The following SWAP70 variants were observed in gnomAD, a reference collection of about 807,000 sequenced individuals.
The protein encoded by SWAP70 is switching B cell complex subunit SWAP70, also known as switch-associated protein 70.
A neutral mutation model predicts 80.2 loss-of-function variants in SWAP70; 34 were observed. The ratio of observed to expected loss-of-function variants is 0.42; its 90% CI spans 0.32 to 0.56. The LOEUF is 0.56. Ranked by LOEUF, SWAP70 falls within the 20% of genes least tolerant of loss-of-function variation. SWAP70 has a pLI of 0.09. For missense variants in SWAP70, 578 were observed against 690.7 expected, an observed-to-expected ratio of 0.84 and a Z score of 1.83; for synonymous variants, 239 against 238.5, an observed-to-expected ratio of 1.00 and a Z score of -0.02.
At chr11:9,672,193 G>GTATATATATATATATATATA (rs1427255406) in intron 1 of SWAP70, among the ~76,000 whole-genome samples, 2 of 18,894 alleles carry the variant, frequency 1.1e-4, no homozygotes, top group Non-Finnish European at 2.4e-4. Flanking sequence ...ATATGTGTGT[G>GTATATATATATATATATATA]TCTATATATA....
chr11:9,700,188 G>A (rs1176289400), intron 2 of SWAP70, among the ~76,000 whole-genome samples: 2 of 152,108 alleles, frequency 1.3e-5, no homozygotes, highest in Admixed American at 6.5e-5. Flanking sequence ...AGGAAATATA[G>A]TAGTGTTTTA....
chr11:9,745,328 T>C (rs1343801843), intron 9 of SWAP70, among the ~76,000 whole-genome samples: 1 of 152,202 alleles, frequency 6.6e-6, no homozygotes, highest in Non-Finnish European at 1.5e-5. Context: ...ACTCCGAGTG[T>C]GTTGCTTTCT....
intron 3 of SWAP70, among the ~76,000 whole-genome samples, chr11:9,716,471 C>G (rs1311424745): frequency 6.6e-6 from 1 of 152,138 alleles, no homozygotes; most frequent in Non-Finnish European, 1.5e-5. Context: ...CCACCTCTAC[C>G]ACTTATTAGC....
At chr11:9,690,512 C>T (rs1311933245) in intron 1 of SWAP70, among the ~76,000 whole-genome samples, 2 of 151,904 alleles carry the variant, frequency 1.3e-5, no homozygotes, top group Non-Finnish European at 2.9e-5. Flanking sequence ...AGGAGGCAGA[C>T]GTTGCTGAGA....
intron 3 of SWAP70, among the ~76,000 whole-genome samples, chr11:9,720,936 C>T (rs1851126490): frequency 6.6e-6 from 1 of 152,168 alleles, no homozygotes; most frequent in African/African-American, 2.4e-5. Flanking sequence ...CTACCTCAGC[C>T]TCCCGAGTAG....
chr11:9,697,627 G>T (rs1246975181), intron 2 of SWAP70, among the ~76,000 whole-genome samples: 1 of 152,142 alleles, frequency 6.6e-6, no homozygotes, highest in Non-Finnish European at 1.5e-5. Context: ...CAAGAATTTT[G>T]CAGCAAAGAT....
At chr11:9,691,357 T>C (rs961883119) in intron 1 of SWAP70, among the ~76,000 whole-genome samples, 1 of 152,234 alleles carries the variant, frequency 6.6e-6, no homozygotes, top group African/African-American at 2.4e-5. Flanking sequence ...CAAGTCCAAC[T>C]CTCATTTGAC....
intron 7 of SWAP70, among the ~76,000 whole-genome samples, chr11:9,736,537 T>C (rs1000840154): frequency 6.6e-6 from 1 of 152,076 alleles, no homozygotes; most frequent in South Asian, 2.1e-4. Flanking sequence ...TTTATTTGTT[T>C]AGTGACTTGG....
chr11:9,727,088 C>G, intron 4 of SWAP70: 2 of 393,514 alleles, frequency 5.1e-6, no homozygotes, highest in South Asian at 3.7e-5. Context: ...TGAGGTTTTA[C>G]TTATTTTATT....
chr11:9,686,097 A>T lies in SWAP70; in HGVS notation c.100-8049A>T, dbSNP rs1038178852. Reference sequence around the variant, plus strand: ...AGATAAAAGCTTCATTTTCTGATTGAAAGGTAATACATAGAATACTCAAAC... The same window carrying T: ...AGATAAAAGCTTCATTTTCTGATTGTAAGGTAATACATAGAATACTCAAAC... On this transcript the variant is annotated intron_variant, in intron 1 of 11. Coordinates refer to ENST00000318950, the MANE Select transcript of SWAP70 (RefSeq NM_015055.4). Among the ~76,000 whole-genome samples the T allele has an allele frequency of 3.3e-5, 5 of 152,006 alleles. No individual in the cohort carries two copies. The East Asian group carries it at 9.6e-4, about 29-fold the overall frequency.
intron 5 of SWAP70, 48 bp from the exon 6 acceptor site, chr11:9,729,295 A>G (rs1355793741): frequency 3.5e-6 from 4 of 1,144,648 alleles, no homozygotes; most frequent in Non-Finnish European, 3.9e-6. Context: ...ATTGAATTTC[A>G]TTTAAATACT....
Position 9,724,768 on chromosome 11 carries a change from A to G in SWAP70, c.525A>G (p.Ala175=), listed in dbSNP as rs1851185117. The change falls in exon 4 of 12, where the codon GCA becomes GCG. Residue 175 remains alanine (A), a synonymous_variant. Coordinates refer to ENST00000318950, the MANE Select transcript of SWAP70 (RefSeq NM_015055.4). ...ATGACAGTAAAAATGGCCTTTCTGCATGGGAACTTATTGAGCTTATTGGAA... is the reference window on the plus strand; with the variant it reads ...ATGACAGTAAAAATGGCCTTTCTGCGTGGGAACTTATTGAGCTTATTGGAA... ...NFDDSKNGLS[A]WELIELIGNG... The G allele has an allele frequency of 1.2e-6, 2 of 1,614,180 alleles. No individual in the cohort carries two copies. The highest frequency in any genetic ancestry group is 1.1e-5 in the South Asian group (1 of 91,086).
Position 9,749,010 on chromosome 11 carries a change from G to C in SWAP70, c.1555-77G>C, listed in dbSNP as rs956350187. On this transcript the variant is annotated intron_variant, in intron 10 of 11. Transcript: ENST00000318950. Reference sequence around the variant, plus strand: ...TAATGAGATAATTCACAAATACATAGTAAGGGCCCAATAGTTGTGATTTGG... The same window carrying C: ...TAATGAGATAATTCACAAATACATACTAAGGGCCCAATAGTTGTGATTTGG... The C allele has an allele frequency of 4.6e-5, 37 of 812,730 alleles. No individual in the cohort carries two copies. In the African/African-American group the frequency reaches 5.7e-4, roughly 13 times the overall value. 50.3% of individuals were successfully genotyped at this position (812,730 alleles called of 1,614,324 possible).
chr11:9,673,485 C>G (rs1049961658), intron 1 of SWAP70, among the ~76,000 whole-genome samples: 9 of 152,138 alleles, frequency 5.9e-5, no homozygotes, highest in African/African-American at 2.2e-4. Context: ...AAACCCTGTC[C>G]TCTTCCGTCT....
chr11:9,726,964 G>A (rs183896877), intron 4 of SWAP70: 4 of 456,250 alleles, frequency 8.8e-6, no homozygotes, highest in African/African-American at 2.0e-5. Context: ...AGGTAGGTTG[G>A]TACCAGAGGT....
intron 6 of SWAP70, 150 bp from the exon 7 acceptor site, chr11:9,732,379 T>G: frequency 1.3e-6 from 1 of 778,646 alleles, no homozygotes; most frequent in Non-Finnish European, 2.1e-6. Flanking sequence ...CTGCTCAGGG[T>G]CACACCACTA....
At chr11:9,722,465 A>C (rs554873592) in intron 3 of SWAP70, among the ~76,000 whole-genome samples, 2 of 152,246 alleles carry the variant, frequency 1.3e-5, no homozygotes, top group Admixed American at 6.5e-5. Context: ...GTGCTTCTCA[A>C]AACTTTAGTG....
chr11:9,737,693 C>T (rs577682944), intron 7 of SWAP70, among the ~76,000 whole-genome samples: 17 of 152,192 alleles, frequency 1.1e-4, no homozygotes, highest in African/African-American at 2.2e-4. Flanking sequence ...GTCAAGAGAT[C>T]GACACTATCC....
intron 4 of SWAP70, among the ~76,000 whole-genome samples, chr11:9,725,567 ATATTTTTTT>A (rs1326041338): frequency 5.8e-4 from 10 of 17,304 alleles, no homozygotes; most frequent in African/African-American, 2.5e-3. Context: ...ATATATATAT[ATATTTTTTT>A]TTTTTTTTTT....
Sources: allele counts gnomAD v4.1 joint callset (sites outside exome capture counted in the v4.1 genomes callset), GRCh38; gene constraint gnomAD v4.1.1; transcripts MANE v1.5; gene names NCBI Gene and HGNC (gene_info 2026-07-23, HGNC 2026-07-21).